Variants in ZNF112 observed in about 807,000 individuals in gnomAD.
ZNF112 encodes the protein zinc finger protein 112.
In ZNF112, 37 loss-of-function variants were observed where a neutral mutation model predicts 77.7. The ratio of observed to expected loss-of-function variants is 0.48; its 90% CI spans 0.37 to 0.63. The LOEUF is 0.63. Ranked by LOEUF, ZNF112 falls within the 20% of genes least tolerant of loss-of-function variation. The pLI, the probability that ZNF112 is intolerant of heterozygous loss-of-function variation, is 0.00. For missense variants in ZNF112, 950 were observed against 1,077.4 expected (o/e 0.88, Z 1.66); for synonymous variants, 333 against 363.6 (o/e 0.92, Z 0.96).
intron 3 of ZNF112, among the ~76,000 whole-genome samples, chr19:44,330,918 T>A (rs1970258837): frequency 6.6e-6 from 1 of 152,228 alleles, no homozygotes; most frequent in African/African-American, 2.4e-5. Context: ...ATAATGTTGT[T>A]CATTTGTAAG....
chr19:44,364,686 C>A (rs1970885854), intron 1 of ZNF112, among the ~76,000 whole-genome samples: 1 of 151,894 alleles, frequency 6.6e-6, no homozygotes, highest in Non-Finnish European at 1.5e-5. Flanking sequence ...AAATAAAAAA[C>A]CCAATACAGT....
chr19:44,336,340 T>C (rs1233890005), intron 3 of ZNF112, among the ~76,000 whole-genome samples: 3 of 152,010 alleles, frequency 2.0e-5, no homozygotes, highest in Non-Finnish European at 4.4e-5. Flanking sequence ...GTCAAGGAAA[T>C]TGACACAGAA....
chr19:44,345,573 T>A (rs528234969), intron 1 of ZNF112, among the ~76,000 whole-genome samples: 4 of 152,122 alleles, frequency 2.6e-5, no homozygotes, highest in Non-Finnish European at 4.4e-5. Flanking sequence ...CTGTTAAATA[T>A]GAAATCACAC....
intron 1 of ZNF112, among the ~76,000 whole-genome samples, chr19:44,351,069 C>A (rs548965702): frequency 2.6e-5 from 4 of 152,070 alleles, no homozygotes; most frequent in Admixed American, 6.6e-5. Context: ...TCATAGGAAT[C>A]CATTTCCTTG....
chr19:44,330,686 A>C (rs781572290), intron 3 of ZNF112, among the ~76,000 whole-genome samples: 10 of 152,308 alleles, frequency 6.6e-5, no homozygotes, highest in Non-Finnish European at 1.5e-4. Context: ...CAGTGAGCTA[A>C]GATCATGCCA....
intron 1 of ZNF112, among the ~76,000 whole-genome samples, chr19:44,351,744 G>A (rs566773029): frequency 1.3e-5 from 2 of 151,800 alleles, no homozygotes; most frequent in African/African-American, 2.4e-5. Context: ...ACCCACAGGC[G>A]GTTCTTTGCA....
intron 1 of ZNF112, among the ~76,000 whole-genome samples, chr19:44,345,610 C>T (rs896399564): frequency 1.3e-5 from 2 of 152,210 alleles, no homozygotes; most frequent in Non-Finnish European, 2.9e-5. Flanking sequence ...ACTATTGTTG[C>T]TTCTTCATGT....
chr19:44,360,438 A>T (rs1970844929), upstream of ZNF112, among the ~76,000 whole-genome samples: 1 of 152,160 alleles, frequency 6.6e-6, no homozygotes, highest in African/African-American at 2.4e-5. Flanking sequence ...TTAGGCAACT[A>T]AGCAATAGTA....
Position 44,329,009 on chromosome 19 carries a change from T to A in ZNF112, c.1148A>T (p.Tyr383Phe), listed in dbSNP as rs76661956. 1.5e-3 allele frequency: 2,494 copies of A among 1,613,976 alleles called. 38 individuals carry two copies. The African/African-American group carries it at 0.03, about 19-fold the overall frequency. ...RVHTRDEPHE[Y>F]EENENVFNQS... ...ATTAAAGACATTCTCATTTTCCTCA[T>A]ATTCATGGGGTTCATCCCTAGTATG... Residue 383 changes from tyrosine to phenylalanine, a missense_variant, in exon 4 of 4, where the codon TAT (tyrosine) becomes TTT (phenylalanine). By Grantham distance (22) the Tyr-to-Phe change is conservative (BLOSUM62 3). Transcript: ENST00000354340.
intron 3 of ZNF112, among the ~76,000 whole-genome samples, chr19:44,333,245 G>T (rs1970302423): frequency 6.6e-6 from 1 of 151,914 alleles, no homozygotes; most frequent in South Asian, 2.1e-4. Flanking sequence ...TGAACTCAGA[G>T]AAAAAAAATC....
At chr19:44,358,528 T>C (rs1303581614), upstream of ZNF112, among the ~76,000 whole-genome samples, 2 of 152,158 alleles carry the variant, frequency 1.3e-5, no homozygotes, top group African/African-American at 4.8e-5. Flanking sequence ...CTGGGGATGA[T>C]GGTCTAGTTT....
In ZNF112 at chr19:44,327,209, C is replaced by T. The variant is rs1970138454; in HGVS notation, c.*224G>A. 4.4e-6 allele frequency: 2 copies of T among 455,186 alleles called. No individual in the cohort carries two copies. The highest frequency in any genetic ancestry group is 7.6e-5 in the Admixed American group (2 of 26,206). The allele number at this position is 455,186 out of a possible 1,614,324, so 28.2% of individuals were successfully genotyped here. On this transcript the variant is annotated 3_prime_UTR_variant, in exon 4 of 4. Coordinates refer to ENST00000354340, the MANE Select transcript of ZNF112 (RefSeq NM_013380.4). ...CACTGTACTTTTATTAAATTCCTGA[C>T]CATACTCATATTTTATAAGCCTTAG... is the stretch of plus-strand genomic sequence containing the variant.
Position 44,326,560 on chromosome 19 carries a change from A to AT in ZNF112, c.*872dup, listed in dbSNP as rs1970125240. ...GAATAAAAAAACCCCAAGTATTGTG[A>AT]TTTTGACATTTATTAAAAAGTATTT... On this transcript the variant is annotated 3_prime_UTR_variant, in exon 4 of 4. Coordinates refer to ENST00000354340, the MANE Select transcript of ZNF112 (RefSeq NM_013380.4). 6.6e-6 allele frequency: 1 copy of AT among 152,304 alleles called. No homozygotes were observed. The highest frequency in any genetic ancestry group is 1.9e-4 in the East Asian group (1 of 5,188). The allele number at this position is 152,304 out of a possible 1,614,324, so 9.4% of individuals were successfully genotyped here. A position where few individuals can be genotyped will look rare whatever the true frequency, so the allele number is the denominator to read the frequency against.
At chr19:44,332,328 C>T (rs1157815683) in intron 3 of ZNF112, among the ~76,000 whole-genome samples, 1 of 152,160 alleles carries the variant, frequency 6.6e-6, no homozygotes, top group Non-Finnish European at 1.5e-5. Context: ...TGGGGCAGCA[C>T]ACTGATTGTG....
chr19:44,334,745 C>A (rs761389363), intron 3 of ZNF112, among the ~76,000 whole-genome samples: 1 of 152,282 alleles, frequency 6.6e-6, no homozygotes, highest in Non-Finnish European at 1.5e-5. Context: ...GCAGCTTCCA[C>A]GTACTGTTGG....
At position 44,327,521 on chromosome 19, in the gene ZNF112, C is replaced by A; in HGVS notation, c.2636G>T (p.Ser879Ile). Residue 879 changes from serine (S) to isoleucine (I), a missense_variant, in exon 4 of 4, where the codon AGT (serine) becomes ATT (isoleucine). Physicochemically the swap from Ser to Ile is moderately radical, Grantham distance 142 (BLOSUM62 -2). This residue lies in a region of ZNF112 where 373 missense variants were observed against 482.8 expected (regional missense o/e 0.77). Coordinates refer to ENST00000354340, the MANE Select transcript of ZNF112 (RefSeq NM_013380.4). ...GLLIHQRVHSSDKFYKSEDYG... is the reference protein window; with the variant it reads ...GLLIHQRVHSIDKFYKSEDYG... ...GTCTTCGCTTTTATAGAATTTATCA[C>A]TACTATGGACTCTTTGATGAATGAG... 1 of 1,613,954 alleles carries A rather than the reference C, an allele frequency of 6.2e-7. No individual in the cohort carries two copies. Among genetic ancestry groups the A allele is most frequent in the South Asian group, 1.1e-5 (1 of 91,082 alleles).
intron 1 of ZNF112, among the ~76,000 whole-genome samples, chr19:44,347,686 C>T (rs1412277536): frequency 1.3e-5 from 2 of 151,778 alleles, no homozygotes; most frequent in Non-Finnish European, 2.9e-5. Context: ...TTTATCTCCC[C>T]ACTTTGTTTC....
At chr19:44,340,619 T>C in intron 1 of ZNF112, 77 bp from the exon 2 acceptor site, 2 of 1,602,638 alleles carry the variant, frequency 1.2e-6, no homozygotes, top group South Asian at 1.1e-5. Flanking sequence ...CTGGAAGCTG[T>C]TCTGGAGTCT....
rs1970875037 is a variant in ZNF112 at position 44,363,557 on chromosome 19, T to C, written c.17+3524A>G. The stretch of plus-strand genomic sequence containing the variant: ...TGGAACCATACGGTAAGAACTCTTC[T>C]GTATTACAATTCTTTGAGTATAGTG... On this transcript the variant is annotated intron_variant, in intron 1 of 4. Transcript: ENST00000588057. 2.0e-5 allele frequency among the ~76,000 whole-genome samples: 3 copies of C among 152,230 alleles called. No homozygotes were observed. The South Asian group carries it at 6.2e-4, about 32-fold the overall frequency.
Sources: allele counts gnomAD v4.1 joint callset (sites outside exome capture counted in the v4.1 genomes callset), GRCh38; gene constraint gnomAD v4.1.1; regional missense constraint gnomAD v4.1.1; transcripts MANE v1.5; gene names NCBI Gene and HGNC (gene_info 2026-07-23, HGNC 2026-07-21).